SNAPC1: variants seen among roughly 807,000 people sequenced by gnomAD.
The protein encoded by SNAPC1 is small nuclear RNA activating complex polypeptide 1, also known as snRNA-activating protein complex subunit 1.
In SNAPC1, 42 loss-of-function variants were observed where a neutral mutation model predicts 50.1. That is an observed-to-expected ratio of 0.84 (90% confidence interval 0.65 to 1.08). The LOEUF (loss-of-function observed/expected upper bound fraction) is 1.08, where lower values mean the gene tolerates loss of function less well. Ranked by LOEUF, SNAPC1 falls within the 50% of genes least tolerant of loss-of-function variation. The pLI, the probability that SNAPC1 is intolerant of heterozygous loss-of-function variation, is 0.00. For synonymous variants in SNAPC1, 164 were observed against 144.2 expected (o/e 1.14, Z -0.98); for missense variants, 477 against 427.3 (o/e 1.12, Z -1.02).
chr14:61,762,577 G>A lies in SNAPC1; in HGVS notation c.117G>A (p.Gly39=). The A allele has an allele frequency of 6.2e-7, 1 of 1,613,634 alleles. No individual in the cohort carries two copies. The highest frequency in any genetic ancestry group is 8.5e-7 in the Non-Finnish European group (1 of 1,179,768). ...FTELWRNMKF[G]TIFCGRMRNL... is the part of the protein sequence containing the mutation. ...AGCTCTGGAGAAACATGAAGTTCGGGACTATCTTCTGGTGGGTGTTTCTTG... is the reference window on the plus strand; with the variant it reads ...AGCTCTGGAGAAACATGAAGTTCGGAACTATCTTCTGGTGGGTGTTTCTTG... The change falls in exon 1 of 10, where the codon GGG becomes GGA. Residue 39 remains glycine, a synonymous_variant. Coordinates refer to ENST00000216294, the MANE Select transcript of SNAPC1 (RefSeq NM_003082.4).
chr14:61,782,141 T>G (rs1476519662), intron 7 of SNAPC1, 106 bp from the exon 8 acceptor site: 3 of 875,384 alleles, frequency 3.4e-6, no homozygotes, highest in Non-Finnish European at 5.2e-6. Flanking sequence ...GACAGATATT[T>G]CTGTAAATCT....
At chr14:61,762,981 C>CTTTTTTTTTTTTTTTTTTTTTTTTTTTTT (rs145378546) in intron 1 of SNAPC1, among the ~76,000 whole-genome samples, 2 of 72,992 alleles carry the variant, frequency 2.7e-5, no homozygotes, top group African/African-American at 1.1e-4. Flanking sequence ...CCAAAGTTGT[C>CTTTTTTTTTTTTTTTTTTTTTTTTTTTTT]TTTTTTTTTT....
chr14:61,796,355 G>C lies in SNAPC1; in HGVS notation c.*1372G>C, dbSNP rs767934115. 6 of 151,758 alleles carry C rather than the reference G, an allele frequency of 4.0e-5. No individual in the cohort carries two copies. The highest frequency in any genetic ancestry group is 8.8e-5 in the Non-Finnish European group (6 of 67,976). The allele number at this position is 151,758 out of a possible 1,614,324, so 9.4% of individuals were successfully genotyped here. A position where few individuals can be genotyped will look rare whatever the true frequency, so the allele number is the denominator to read the frequency against. On this transcript the variant is annotated 3_prime_UTR_variant, in exon 10 of 10. Transcript: ENST00000216294. The stretch of plus-strand genomic sequence containing the variant: ...AAAGTTTGGGTTGAAGATCAAATTC[G>C]TGATATCTCTATATCTAATCTTTAA...
intron 4 of SNAPC1, 60 bp downstream of exon 4, chr14:61,768,800 T>C (rs890232414): frequency 4.8e-6 from 4 of 837,834 alleles, no homozygotes; most frequent in African/African-American, 3.4e-5. Flanking sequence ...CAACTACATA[T>C]TGAGGTTATA....
At chr14:61,774,726 C>T (rs1171554563) in intron 4 of SNAPC1, among the ~76,000 whole-genome samples, 7 of 132,050 alleles carry the variant, frequency 5.3e-5, no homozygotes, top group Admixed American at 9.2e-5. Context: ...TGCAATGGTG[C>T]GATCCTGGCT....
Position 61,767,920 on chromosome 14 carries a change from C to T in SNAPC1, c.429+568C>T, listed in dbSNP as rs925889169. 6.6e-5 allele frequency among the ~76,000 whole-genome samples: 10 copies of T among 152,212 alleles called. No individual in the cohort carries two copies. In the East Asian group the frequency reaches 1.7e-3, roughly 26 times the overall value. ...TCAGTCTCCTGAGTAGCTGGGACTACAGGCGCCCTCCACCACGCCTAGCTA... is the reference window on the plus strand; with the variant it reads ...TCAGTCTCCTGAGTAGCTGGGACTATAGGCGCCCTCCACCACGCCTAGCTA... On this transcript the variant is annotated intron_variant, in intron 3 of 9. Coordinates refer to ENST00000216294, the MANE Select transcript of SNAPC1 (RefSeq NM_003082.4).
chr14:61,765,337 G>T (rs2044939136), intron 1 of SNAPC1, among the ~76,000 whole-genome samples: 1 of 152,198 alleles, frequency 6.6e-6, no homozygotes, highest in Non-Finnish European at 1.5e-5. Context: ...TTTTGCCAAG[G>T]TTGAGGACGC....
At chr14:61,764,712 T>C (rs537075034) in intron 1 of SNAPC1, among the ~76,000 whole-genome samples, 67 of 152,318 alleles carry the variant, frequency 4.4e-4, no homozygotes, top group African/African-American at 1.5e-3. Flanking sequence ...GCTAAAAATG[T>C]AACATTTACA....
intron 8 of SNAPC1, among the ~76,000 whole-genome samples, chr14:61,788,647 A>G (rs1207978154): frequency 6.6e-6 from 1 of 152,196 alleles, no homozygotes; most frequent in Non-Finnish European, 1.5e-5. Context: ...ATATTATTTG[A>G]TAAAGATTAA....
Position 61,795,178 on chromosome 14 carries a change from C to A in SNAPC1, c.*195C>A, listed in dbSNP as rs2045180307. ...TAGAATAAGAATTCTTTAACATTTT[C>A]TTTAATGATTTGCATAAATGGAGAT... On this transcript the variant is annotated 3_prime_UTR_variant, in exon 10 of 10. Transcript: ENST00000216294. 1 of 516,776 alleles carries A rather than the reference C, an allele frequency of 1.9e-6. No homozygotes were observed. The highest frequency in any genetic ancestry group is 2.7e-5 in the South Asian group (1 of 36,486). 32.0% of individuals were successfully genotyped at this position (516,776 alleles called of 1,614,324 possible). A position where few individuals can be genotyped will look rare whatever the true frequency, so the allele number is the denominator to read the frequency against.
intron 4 of SNAPC1, among the ~76,000 whole-genome samples, chr14:61,770,789 C>T (rs1487425662): frequency 1.3e-5 from 2 of 151,898 alleles, no homozygotes; most frequent in Non-Finnish European, 2.9e-5. Context: ...AGTTGGAGTG[C>T]AGTGGCGCAA....
chr14:61,762,583 C>G lies in SNAPC1; in HGVS notation c.123C>G (p.Ile41Met), dbSNP rs2044913820. The change falls in exon 1 of 10, where the codon ATC (isoleucine) becomes ATG (methionine). Residue 41 changes from isoleucine (I) to methionine (M), a missense_variant. Physicochemically the swap from Ile to Met is conservative, Grantham distance 10 (BLOSUM62 1). Transcript: ENST00000216294. ...GGAGAAACATGAAGTTCGGGACTAT[C>G]TTCTGGTGGGTGTTTCTTGTCCACC... ...ELWRNMKFGT[I>M]FCGRMRNLEK... 6 of 1,613,396 alleles carry G rather than the reference C, an allele frequency of 3.7e-6. No homozygotes were observed.
chr14:61,765,844 T>C lies in SNAPC1; in HGVS notation c.129-1032T>C, dbSNP rs550906481. On this transcript the variant is annotated intron_variant, in intron 1 of 9. Coordinates refer to ENST00000216294, the MANE Select transcript of SNAPC1 (RefSeq NM_003082.4). Reference sequence around the variant, plus strand: ...TATGCTGGAGTATGCTCTTCTCCCTTCCTCCTCCTTTCTTCTGATGAGCTT... The same window carrying C: ...TATGCTGGAGTATGCTCTTCTCCCTCCCTCCTCCTTTCTTCTGATGAGCTT... 8.1e-4 allele frequency among the ~76,000 whole-genome samples: 123 copies of C among 152,324 alleles called. 1 individual carries two copies. Among genetic ancestry groups the C allele is most frequent in the Admixed American group, 1.9e-3 (29 of 15,304 alleles).
rs909516797 is a variant in SNAPC1 at position 61,782,483 on chromosome 14, A to G, written c.976+86A>G. ...GCCTCATGTTTATTTCCTTGTTAAG[A>G]AGGATTAGATACTTGTTTGAGAACA... On this transcript the variant is annotated intron_variant, in intron 8 of 9. Coordinates refer to ENST00000216294, the MANE Select transcript of SNAPC1 (RefSeq NM_003082.4). The G allele has an allele frequency of 1.1e-5, 11 of 991,388 alleles. No individual in the cohort carries two copies. The African/African-American group carries it at 1.8e-4, about 16-fold the overall frequency. 61.4% of individuals were successfully genotyped at this position (991,388 alleles called of 1,614,324 possible).
chr14:61,762,693 C>A, intron 1 of SNAPC1, 105 bp downstream of exon 1: 2 of 1,380,258 alleles, frequency 1.4e-6, no homozygotes, highest in Non-Finnish European at 2.0e-6. Flanking sequence ...AGAAGAGCGG[C>A]AGTCACCGAA....
chr14:61,780,833 T>C (rs982730694), intron 7 of SNAPC1, among the ~76,000 whole-genome samples: 1 of 152,096 alleles, frequency 6.6e-6, no homozygotes, highest in African/African-American at 2.4e-5. Context: ...GTTACTGTAG[T>C]GTGTCTGTGG....
chr14:61,766,805 A>G, intron 1 of SNAPC1, 71 bp from the exon 2 acceptor site: 2 of 835,762 alleles, frequency 2.4e-6, no homozygotes, highest in Admixed American at 2.1e-5. Flanking sequence ...TTAAACAAGT[A>G]TATACTTTTG....
chr14:61,768,574 C>T (rs1321647623), intron 3 of SNAPC1, 62 bp from the exon 4 acceptor site: 1 of 904,778 alleles, frequency 1.1e-6, no homozygotes, highest in East Asian at 2.5e-5. Context: ...GCTTATATTT[C>T]AATACTTTTA....
At chr14:61,782,457 TG>T in intron 8 of SNAPC1, 60 bp downstream of exon 8, 1 of 1,343,428 alleles carries the variant, frequency 7.4e-7, no homozygotes, top group Non-Finnish European at 1.0e-6. Context: ...TTTACAACTT[TG>T]CCTCATGTTT....
Sources: gnomAD v4.1 joint callset for allele counts (sites outside exome capture counted in the v4.1 genomes callset) on GRCh38, gnomAD v4.1.1 for gene constraint, MANE v1.5 for transcripts, NCBI Gene and HGNC (gene_info 2026-07-23, HGNC 2026-07-21) for gene names.